Variants in KDELR2 observed in about 807,000 individuals in gnomAD.
KDELR2 encodes ER lumen protein-retaining receptor 2.
KDELR2 carries 15 observed loss-of-function variants against 23.9 expected under a neutral mutation model. The ratio of observed to expected loss-of-function variants is 0.63; its 90% CI spans 0.42 to 0.97. The LOEUF (loss-of-function observed/expected upper bound fraction) is 0.97. Among genes scored for constraint, KDELR2 ranks in the 50% least tolerant of loss-of-function variants. KDELR2 has a pLI of 0.00. For synonymous variants in KDELR2, 119 were observed against 106.2 expected (o/e 1.12, Z -0.74); for missense variants, 272 against 254.6 (o/e 1.07, Z -0.46).
At chr7:6,468,138 T>C (rs1434218815) in intron 3 of KDELR2, among the ~76,000 whole-genome samples, 1 of 152,192 alleles carries the variant, frequency 6.6e-6, no homozygotes, top group Non-Finnish European at 1.5e-5. Flanking sequence ...TTCAAATGAA[T>C]CAGACAGTAA....
chr7:6,482,198 C>T (rs1273985111), intron 1 of KDELR2, among the ~76,000 whole-genome samples: 2 of 152,054 alleles, frequency 1.3e-5, no homozygotes, highest in African/African-American at 4.8e-5. Flanking sequence ...GACGGGGTTT[C>T]TCCATGTTGA....
At chr7:6,483,209 G>C (rs1228551123) in intron 1 of KDELR2, among the ~76,000 whole-genome samples, 1 of 152,128 alleles carries the variant, frequency 6.6e-6, no homozygotes, top group Non-Finnish European at 1.5e-5. Context: ...AGGAGGCCTC[G>C]GCGGTCCCCG....
intron 3 of KDELR2, among the ~76,000 whole-genome samples, chr7:6,468,725 C>T (rs1308964899): frequency 6.6e-6 from 1 of 151,874 alleles, no homozygotes; most frequent in African/African-American, 2.4e-5. Flanking sequence ...TGGATGGTCT[C>T]AATCCCTTGA....
At chr7:6,478,782 T>C (rs181233986) in intron 1 of KDELR2, among the ~76,000 whole-genome samples, 1 of 152,216 alleles carries the variant, frequency 6.6e-6, no homozygotes, top group Admixed American at 6.5e-5. Flanking sequence ...AGTTTAATAT[T>C]TATTTTTTAT....
chr7:6,481,365 C>CAAA (rs11388243), intron 1 of KDELR2, among the ~76,000 whole-genome samples: 4 of 117,634 alleles, frequency 3.4e-5, no homozygotes, highest in South Asian at 2.9e-4. Flanking sequence ...AAGTTCATCT[C>CAAA]AAAAAAAAAA....
At chr7:6,472,326 G>T (rs1463618427) in intron 2 of KDELR2, among the ~76,000 whole-genome samples, 3 of 152,094 alleles carry the variant, frequency 2.0e-5, no homozygotes, top group Admixed American at 6.6e-5. Flanking sequence ...AGCACCTGGA[G>T]AAGAACAGCT....
chr7:6,478,572 T>C (rs1305815411), intron 1 of KDELR2, among the ~76,000 whole-genome samples: 2 of 152,172 alleles, frequency 1.3e-5, no homozygotes, highest in African/African-American at 2.4e-5. Context: ...AGGAGTACTT[T>C]ATTATAGATA....
intron 1 of KDELR2, chr7:6,482,446 G>C: frequency 5.3e-6 from 2 of 379,534 alleles, no homozygotes; most frequent in Non-Finnish European, 1.1e-5. Context: ...GAACCTCTCA[G>C]AACTATGTAT....
rs1311478733 is a variant in KDELR2, at chr7:6,466,805, A to G, written c.352-482T>C. ...AGATGCACAGTTCACAATAGGGCTC[A>G]TGCTCCTATGAGAATTGAATGCTGC... On this transcript the variant is annotated intron_variant, in intron 3 of 4. Coordinates refer to ENST00000258739, the MANE Select transcript of KDELR2 (RefSeq NM_006854.4). Among the ~76,000 whole-genome samples, 3 of 151,988 alleles carry G rather than the reference A, an allele frequency of 2.0e-5. No homozygotes were observed. In the East Asian group the frequency reaches 5.8e-4, roughly 29 times the overall value.
chr7:6,464,820 C>G (rs1785467525), intron 4 of KDELR2, among the ~76,000 whole-genome samples: 1 of 147,736 alleles, frequency 6.8e-6, no homozygotes. Flanking sequence ...ACTGCAACCT[C>G]TGCCTCCCGG....
chr7:6,483,336 T>C (rs955881518), intron 1 of KDELR2, among the ~76,000 whole-genome samples: 1 of 147,228 alleles, frequency 6.8e-6, no homozygotes, highest in African/African-American at 2.5e-5. Flanking sequence ...GGCAAGCCCC[T>C]CCCCAGCGGT....
At chr7:6,478,377 G>A (rs187934178) in intron 1 of KDELR2, among the ~76,000 whole-genome samples, 18 of 152,044 alleles carry the variant, frequency 1.2e-4, no homozygotes, top group Non-Finnish European at 1.3e-4. Flanking sequence ...CAAGCTCCTG[G>A]CCTCAAGTGA....
chr7:6,469,307 G>C, intron 3 of KDELR2, among the ~76,000 whole-genome samples: 2 of 152,114 alleles, frequency 1.3e-5, no homozygotes, highest in Middle Eastern at 6.8e-3. Context: ...CCAGGCTGGA[G>C]TACAATGGCG....
chr7:6,461,721 G>C lies in KDELR2; in HGVS notation c.*1420C>G, dbSNP rs1029778058. The C allele has an allele frequency of 6.6e-6, 1 of 151,118 alleles. No individual in the cohort carries two copies. The highest frequency in any genetic ancestry group is 1.5e-5 in the Non-Finnish European group (1 of 67,914). The allele number at this position is 151,118 out of a possible 1,614,324, so 9.4% of individuals were successfully genotyped here. The stretch of plus-strand genomic sequence containing the variant: ...TTCCTCCAGAAGACGTTGTAATGCA[G>C]AAAGCCAAAATACTACATCCTTCTT... On this transcript the variant is annotated 3_prime_UTR_variant, in exon 5 of 5. Transcript: ENST00000258739.
chr7:6,464,310 G>A (rs951508787), intron 4 of KDELR2, among the ~76,000 whole-genome samples: 8 of 148,174 alleles, frequency 5.4e-5, no homozygotes, highest in African/African-American at 2.0e-4. Flanking sequence ...CACGAGGTTG[G>A]GAGTTCAAGA....
chr7:6,481,186 T>G (rs1245704289), intron 1 of KDELR2, among the ~76,000 whole-genome samples: 1 of 151,636 alleles, frequency 6.6e-6, no homozygotes, highest in African/African-American at 2.4e-5. Context: ...CTGGCCAACA[T>G]GGTGAAACTC....
intron 2 of KDELR2, among the ~76,000 whole-genome samples, chr7:6,471,934 C>G (rs950246664): frequency 1.3e-5 from 2 of 149,462 alleles, no homozygotes; most frequent in South Asian, 4.2e-4. Context: ...CGGAGCCTTG[C>G]TCTGTCACCA....
At chr7:6,477,998 G>T (rs1162375395) in intron 1 of KDELR2, among the ~76,000 whole-genome samples, 1 of 152,120 alleles carries the variant, frequency 6.6e-6, no homozygotes, top group East Asian at 1.9e-4. Context: ...AATAAGACAT[G>T]AACATTTTAA....
rs1291359848 is a variant in KDELR2 at position 6,462,951 on chromosome 7, A to G, written c.*190T>C. The G allele has an allele frequency of 3.1e-6, 5 of 1,595,560 alleles. No homozygotes were observed. Among genetic ancestry groups the G allele is most frequent in the East Asian group, 2.2e-5 (1 of 44,782 alleles). On this transcript the variant is annotated 3_prime_UTR_variant, in exon 5 of 5. Transcript: ENST00000258739. ...TCTTTGTACACAGTAATAAAAAAAG[A>G]TAAGGCAAGATGCATTAAACAGAAA...
Sources: allele counts gnomAD v4.1 joint callset (sites outside exome capture counted in the v4.1 genomes callset), GRCh38; gene constraint gnomAD v4.1.1; transcripts MANE v1.5; gene names NCBI Gene and HGNC (gene_info 2026-07-23, HGNC 2026-07-21).